AKT1S1: variants seen among roughly 807,000 people sequenced by gnomAD.
AKT1S1 encodes the protein AKT1 substrate 1, also known as proline-rich AKT1 substrate 1.
In AKT1S1, 17 loss-of-function variants were observed where a neutral mutation model predicts 21.2. That is an observed-to-expected ratio of 0.80 (90% CI 0.55 to 1.20). The LOEUF (loss-of-function observed/expected upper bound fraction) is 1.20. Ranked by LOEUF, AKT1S1 falls within the 50% of genes most tolerant of loss-of-function variation. The pLI, the probability that AKT1S1 is intolerant of heterozygous loss-of-function variation, is 0.00. For synonymous variants in AKT1S1, 181 were observed against 165.6 expected, an observed-to-expected ratio of 1.09 and a Z score of -0.72; for missense variants, 366 against 368.3, an observed-to-expected ratio of 0.99 and a Z score of 0.05.
intron 4 of AKT1S1, among the ~76,000 whole-genome samples, 199 bp from the exon 5 acceptor site, chr19:49,870,259 ACCT>A (rs916947923): frequency 4.6e-5 from 7 of 152,026 alleles, no homozygotes; most frequent in Non-Finnish European, 8.8e-5. Context: ...CGGTTCAGAC[ACCT>A]CCTCCACGAA....
rs1020423755 is a variant in AKT1S1, at chr19:49,869,965, C to T, written c.723G>A (p.Arg241=). 14 of 1,543,876 alleles carry T rather than the reference C, an allele frequency of 9.1e-6. No individual in the cohort carries two copies. The highest frequency in any genetic ancestry group is 1.2e-5 in the Non-Finnish European group (14 of 1,141,568). The change falls in exon 5 of 5, where the codon CGG becomes CGA. Residue 241 remains arginine, a synonymous_variant. Coordinates refer to ENST00000344175, the MANE Select transcript of AKT1S1 (RefSeq NM_001098633.4). The stretch of plus-strand genomic sequence containing the variant: ...GGAAGTCGCTGGTGTTAAGCCGCGG[C>T]CGTGGCAGGTCCCCGAAGACCTGGG... ...EDTQVFGDLP[R]PRLNTSDFQK...
chr19:49,876,089 G>A, intron 1 of AKT1S1: 2 of 986,582 alleles, frequency 2.0e-6, no homozygotes, highest in Non-Finnish European at 2.4e-6. Flanking sequence ...CACCCCTCCT[G>A]TCGAAATTTT....
chr19:49,872,465 T>A (rs1820100406), intron 2 of AKT1S1, among the ~76,000 whole-genome samples: 1 of 151,926 alleles, frequency 6.6e-6, no homozygotes, highest in Non-Finnish European at 1.5e-5. Flanking sequence ...GACCCCCAAA[T>A]TCCCCCCAAA....
At chr19:49,871,947 G>A in intron 2 of AKT1S1, 58 bp from the exon 3 acceptor site, 2 of 1,559,932 alleles carry the variant, frequency 1.3e-6, no homozygotes, top group Non-Finnish European at 1.8e-6. Flanking sequence ...TGCTCCATGT[G>A]TCCTCCTCCT....
In AKT1S1 at chr19:49,871,695, G is replaced by T. The variant is rs200278700; in HGVS notation, c.479C>A (p.Thr160Asn). 144 of 1,612,854 alleles carry T rather than the reference G, an allele frequency of 8.9e-5. No homozygotes were observed. The highest frequency in any genetic ancestry group is 1.2e-4 in the Non-Finnish European group (140 of 1,179,468). The change falls in exon 4 of 5, where the codon ACC becomes AAC. Residue 160 changes from threonine (T) to asparagine (N), a missense_variant. By Grantham distance (65) the Thr-to-Asn change is moderately conservative. Coordinates refer to ENST00000344175, the MANE Select transcript of AKT1S1 (RefSeq NM_001098633.4). ...TGAGCAGGTGGGGGGGCCGGCGGGG[G>T]TCTCCTCGCTCAGGCTGCCATCTGA... The part of the protein sequence containing the change: ...STDDGSLSEE[T>N]PAGPPTCSVP...
At chr19:49,870,259 AC>A (rs991126230) in intron 4 of AKT1S1, among the ~76,000 whole-genome samples, 199 bp from the exon 5 acceptor site, 36 of 152,026 alleles carry the variant, frequency 2.4e-4, no homozygotes, top group African/African-American at 8.0e-4. Context: ...CGGTTCAGAC[AC>A]CTCCTCCACG....
chr19:49,876,655 T>TGGCGGCGCCTTGCGTCAC, intron 1 of AKT1S1: 1 of 1,498,474 alleles, frequency 6.7e-7, no homozygotes, highest in Non-Finnish European at 8.9e-7. Flanking sequence ...TCAAAAGACA[T>TGGCGGCGCCTTGCGTCAC]GGCGGCGCCT....
chr19:49,871,766 G>A lies in AKT1S1; in HGVS notation c.457+46C>T, dbSNP rs755558400. The stretch of plus-strand genomic sequence containing the variant: ...TTCTGTCCCTGCCTTTGTGTCGGCC[G>A]TGTGCCTGCCCTCAGGTCGGGAGGG... On this transcript the variant is annotated intron_variant, in intron 3 of 4. Coordinates refer to ENST00000344175, the MANE Select transcript of AKT1S1 (RefSeq NM_001098633.4). 40 of 1,610,880 alleles carry A rather than the reference G, an allele frequency of 2.5e-5. 1 individual carries two copies. The Middle Eastern group carries it at 6.6e-4, about 27-fold the overall frequency.
chr19:49,871,971 T>G, intron 2 of AKT1S1, 82 bp from the exon 3 acceptor site: 1 of 1,418,242 alleles, frequency 7.1e-7, no homozygotes, highest in South Asian at 1.2e-5. Context: ...CCACGGCCAC[T>G]GCCACAGCCA....
chr19:49,877,870 A>T, upstream of AKT1S1: 1 of 1,216,556 alleles, frequency 8.2e-7, no homozygotes, highest in Non-Finnish European at 1.1e-6. Flanking sequence ...GATCTCTTAT[A>T]AACGCGCCGT....
chr19:49,873,621 G>C lies in AKT1S1; in HGVS notation c.-7-319C>G. ...GTGAACAGGGAGTACTGGAAAGGCA[G>C]GGAGTCCTAGCAGAGAGTCCTAGCA... On this transcript the variant is annotated intron_variant, in intron 1 of 4. Coordinates refer to ENST00000344175, the MANE Select transcript of AKT1S1 (RefSeq NM_001098633.4). This position sits in a 1 kb window ranked among gnomAD's most constrained non-coding sequence, Gnocchi z 6.9. 2 of 353,582 alleles carry C rather than the reference G, an allele frequency of 5.7e-6. No individual in the cohort carries two copies. The highest frequency in any genetic ancestry group is 1.1e-4 in the South Asian group (2 of 17,594). The allele number at this position is 353,582 out of a possible 1,614,324, so 21.9% of individuals were successfully genotyped here. A position where few individuals can be genotyped will look rare whatever the true frequency, so the allele number is the denominator to read the frequency against.
intron 4 of AKT1S1, among the ~76,000 whole-genome samples, chr19:49,870,964 C>A (rs912164564): frequency 6.6e-6 from 1 of 152,142 alleles, no homozygotes; most frequent in Admixed American, 6.5e-5. Flanking sequence ...ACCCAGGCCT[C>A]CTCCCTCAAA....
chr19:49,870,826 C>G (rs1051236037), intron 4 of AKT1S1, among the ~76,000 whole-genome samples: 3 of 152,214 alleles, frequency 2.0e-5, no homozygotes, highest in Non-Finnish European at 4.4e-5. Flanking sequence ...GGACCCCGCC[C>G]GCACCAGGCC....
chr19:49,877,767 C>T (rs1445433500), upstream of AKT1S1: 2 of 1,584,060 alleles, frequency 1.3e-6, no homozygotes, highest in Non-Finnish European at 8.6e-7. Flanking sequence ...GACGCATTCC[C>T]TCGCTTCAGT....
At position 49,869,992 on chromosome 19, in the gene AKT1S1, G is replaced by T; in HGVS notation, c.696C>A (p.Asp232Glu). The T allele has an allele frequency of 6.5e-7, 1 of 1,547,554 alleles. No individual in the cohort carries two copies. Among genetic ancestry groups the T allele is most frequent in the Non-Finnish European group, 8.7e-7 (1 of 1,143,890 alleles). Residue 232 changes from aspartate (D) to glutamate (E), a missense_variant, in exon 5 of 5, where the codon GAC (aspartate) becomes GAA (glutamate). Asp to Glu is a conservative substitution (Grantham distance 45). Transcript: ENST00000344175. ...MRALVLREAE[D>E]TQVFGDLPRP... is the part of the protein sequence containing the mutation. The stretch of plus-strand genomic sequence containing the variant: ...GTGGCAGGTCCCCGAAGACCTGGGT[G>T]TCCTCGGCCTCTCGCAGCACCAGCG...
rs753256097 is a variant in AKT1S1 at position 49,871,843 on chromosome 19, G to T, written c.426C>A (p.Pro142=). Residue 142 remains proline, a synonymous_variant, in exon 3 of 5, where the codon CCC becomes CCA. Coordinates refer to ENST00000344175, the MANE Select transcript of AKT1S1 (RefSeq NM_001098633.4). The part of the protein sequence containing the change: ...DEDATLQDLP[P]FCESDPESTD... Reference sequence around the variant, plus strand: ...TACTCTCGGGGTCTGACTCACAGAAGGGGGGAAGGTCCTGGAGGGTGGCGT... The same window carrying T: ...TACTCTCGGGGTCTGACTCACAGAATGGGGGAAGGTCCTGGAGGGTGGCGT... 2 of 1,611,344 alleles carry T rather than the reference G, an allele frequency of 1.2e-6. No individual in the cohort carries two copies. The highest frequency in any genetic ancestry group is 1.1e-5 in the South Asian group (1 of 90,962).
intron 2 of AKT1S1, among the ~76,000 whole-genome samples, chr19:49,872,261 C>A (rs1044622592): frequency 2.6e-5 from 4 of 152,200 alleles, no homozygotes; most frequent in African/African-American, 9.7e-5. Context: ...GCCCGAGGTC[C>A]CATGGCTACT....
At chr19:49,877,809 C>T (rs1418759701), upstream of AKT1S1, 4 of 1,532,558 alleles carry the variant, frequency 2.6e-6, no homozygotes, top group African/African-American at 2.7e-5. Context: ...GTGATCAGCT[C>T]TTCTCTCAGG....
Position 49,872,942 on chromosome 19 carries a change from C to T in AKT1S1, c.354G>A (p.Glu118=). The change falls in exon 2 of 5, where the codon GAG becomes GAA. Residue 118 remains glutamate (E), a synonymous_variant. Coordinates refer to ENST00000344175, the MANE Select transcript of AKT1S1 (RefSeq NM_001098633.4). ...CTCCATTATCACTAATGCCCAGCTG[C>T]TCCCCGGAGGTCTCTGTCTCTGTGG... ...DEPTETETSG[E]QLGISDNGGL... is the part of the protein sequence containing the mutation. 1 of 1,603,316 alleles carries T rather than the reference C, an allele frequency of 6.2e-7. No individual in the cohort carries two copies.
Sources: gnomAD v4.1 joint callset for allele counts (sites outside exome capture counted in the v4.1 genomes callset) on GRCh38, gnomAD v4.1.1 for gene constraint, Gnocchi (gnomAD v3.1) non-coding constraint, MANE v1.5 for transcripts, NCBI Gene and HGNC (gene_info 2026-07-23, HGNC 2026-07-21) for gene names.